The following KANK1 variants were observed in gnomAD, a reference collection of about 807,000 sequenced individuals.
The protein encoded by KANK1 is KN motif and ankyrin repeat domain-containing protein 1.
KANK1 carries 109 observed loss-of-function variants against 106.2 expected under a neutral mutation model. The observed-to-expected ratio is 1.03, with a 90% CI of 0.88 to 1.20. The LOEUF is 1.20. KANK1 is among the 50% of genes most tolerant of loss of function. The pLI is 0.00. For synonymous variants in KANK1, 873 were observed against 652.2 expected, an observed-to-expected ratio of 1.34 and a Z score of -5.16; for missense variants, 2,399 against 1,710.7, an observed-to-expected ratio of 1.40 and a Z score of -7.10.
chr9:648,016 T>TA (rs1329341889), intron 1 of KANK1, among the ~76,000 whole-genome samples: 1 of 146,976 alleles, frequency 6.8e-6, no homozygotes, highest in African/African-American at 2.7e-5. Flanking sequence ...TTTTTTTTTT[T>TA]TTTGATACAG....
Position 629,347 on chromosome 9 carries a change from C to G in KANK1, c.-83-47543C>G, listed in dbSNP as rs570745187. The stretch of plus-strand genomic sequence containing the variant: ...CAGAGTGGGTCACGAGTCACTCTCT[C>G]TCTTCCCCCAGCCACAGTGGCAGCT... On this transcript the variant is annotated intron_variant, in intron 1 of 11. Coordinates refer to ENST00000382297, the MANE Select transcript of KANK1 (RefSeq NM_015158.5). 1.2e-3 allele frequency among the ~76,000 whole-genome samples: 190 copies of G among 152,258 alleles called. 1 individual carries two copies. The highest frequency in any genetic ancestry group is 4.4e-3 in the African/African-American group (183 of 41,538).
chr9:621,950 C>G (rs1833239452), intron 1 of KANK1, among the ~76,000 whole-genome samples: 1 of 152,042 alleles, frequency 6.6e-6, no homozygotes, highest in Non-Finnish European at 1.5e-5. Flanking sequence ...GCCGAAGCCT[C>G]TTGGGAAGGA....
chr9:535,684 G>T (rs979461814), intron 1 of KANK1, among the ~76,000 whole-genome samples: 1 of 152,206 alleles, frequency 6.6e-6, no homozygotes. Context: ...AGCTCCACTT[G>T]CTTGGTGCAC....
rs1170180003 is a variant in KANK1 at position 665,767 on chromosome 9, A to G, written c.-83-11123A>G. Among the ~76,000 whole-genome samples the G allele has an allele frequency of 2.6e-5, 4 of 152,284 alleles. No individual in the cohort carries two copies. The East Asian group carries it at 7.7e-4, about 29-fold the overall frequency. The stretch of plus-strand genomic sequence containing the variant: ...TTTGGGTAGGATTGTCATTTTAACA[A>G]TATTCTTTCAATCCATGAGCATGGA... On this transcript the variant is annotated intron_variant, in intron 1 of 11. Transcript: ENST00000382297.
intron 2 of KANK1, chr9:684,413 C>T: frequency 8.1e-6 from 8 of 985,366 alleles, no homozygotes; most frequent in Non-Finnish European, 9.6e-6. Context: ...AAGAAAAAAA[C>T]ACATACAAAA....
chr9:579,468 C>T (rs191662923), intron 1 of KANK1, among the ~76,000 whole-genome samples: 12 of 152,284 alleles, frequency 7.9e-5, no homozygotes, highest in Admixed American at 6.5e-4. Flanking sequence ...CTCTCAGCTC[C>T]ATCCTCACCT....
intron 1 of KANK1, among the ~76,000 whole-genome samples, chr9:588,555 T>C (rs1313371428): frequency 6.6e-6 from 1 of 152,152 alleles, no homozygotes; most frequent in African/African-American, 2.4e-5. Context: ...AACTTTCAGC[T>C]CTCAGCAACA....
chr9:508,557 C>T (rs572669845), intron 1 of KANK1, among the ~76,000 whole-genome samples: 1 of 146,420 alleles, frequency 6.8e-6, no homozygotes, highest in Admixed American at 6.6e-5. Flanking sequence ...CCCCTATACT[C>T]TTGTCCAATC....
At chr9:514,577 G>C (rs923487504) in intron 1 of KANK1, among the ~76,000 whole-genome samples, 1 of 151,318 alleles carries the variant, frequency 6.6e-6, no homozygotes, top group South Asian at 2.1e-4. Context: ...ACTCTTTCGT[G>C]TCTAGCTTCT....
At position 580,311 on chromosome 9, in the gene KANK1, G is replaced by A. The variant is rs560674758; in HGVS notation, c.-84+75557G>A. ...TGGTGTTACAGCTCATAAAGGCAGCGCGGACCCGAAGAGTGAGCAGCAGCA... is the reference window on the plus strand; with the variant it reads ...TGGTGTTACAGCTCATAAAGGCAGCACGGACCCGAAGAGTGAGCAGCAGCA... On this transcript the variant is annotated intron_variant, in intron 1 of 11. Coordinates refer to ENST00000382297, the MANE Select transcript of KANK1 (RefSeq NM_015158.5). 5.3e-4 allele frequency among the ~76,000 whole-genome samples: 80 copies of A among 152,228 alleles called. 1 individual carries two copies. The highest frequency in any genetic ancestry group is 1.6e-3 in the African/African-American group (67 of 41,494).
rs551177506 is a variant in KANK1, at chr9:540,275, A to G, written c.-84+35521A>G. Among the ~76,000 whole-genome samples the G allele has an allele frequency of 4.0e-4, 61 of 152,354 alleles. 3 individuals carry two copies. The South Asian group carries it at 0.012, about 29-fold the overall frequency. Reference sequence around the variant, plus strand: ...GAATTCTTTCAAATGATTTTTATACATCTATTGAGATGATCCCTTGATTTT... The same window carrying G: ...GAATTCTTTCAAATGATTTTTATACGTCTATTGAGATGATCCCTTGATTTT... On this transcript the variant is annotated intron_variant, in intron 1 of 11. Transcript: ENST00000382297.
chr9:552,313 A>G (rs1563757138), intron 1 of KANK1, among the ~76,000 whole-genome samples: 1 of 152,310 alleles, frequency 6.6e-6, no homozygotes, highest in East Asian at 1.9e-4. Flanking sequence ...AAGACCAATT[A>G]GGAGGTTCCA....
At chr9:727,009 G>T (rs780001717) in intron 3 of KANK1, among the ~76,000 whole-genome samples, 2 of 152,092 alleles carry the variant, frequency 1.3e-5, no homozygotes, top group Non-Finnish European at 2.9e-5. Flanking sequence ...TATTTTCTCC[G>T]TATTATTGTA....
At chr9:694,526 T>G (rs1157719311) in intron 2 of KANK1, among the ~76,000 whole-genome samples, 1 of 152,206 alleles carries the variant, frequency 6.6e-6, no homozygotes, top group Admixed American at 6.5e-5. Context: ...CATGGCATTT[T>G]GGCTGTTTTG....
At chr9:614,903 T>C (rs1444186623) in intron 1 of KANK1, among the ~76,000 whole-genome samples, 1 of 152,186 alleles carries the variant, frequency 6.6e-6, no homozygotes. Flanking sequence ...CTACATACAA[T>C]TCTTAATATA....
intron 2 of KANK1, among the ~76,000 whole-genome samples, chr9:690,787 C>G (rs73372976): frequency 0.01 from 1,527 of 152,252 alleles, 23 homozygotes; most frequent in African/African-American, 0.034. Flanking sequence ...AGGTTGAAGT[C>G]TCAAAGTTCC....
intron 2 of KANK1, among the ~76,000 whole-genome samples, chr9:709,907 T>C (rs577221778): frequency 2.0e-5 from 3 of 152,150 alleles, no homozygotes; most frequent in Non-Finnish European, 4.4e-5. Flanking sequence ...GTGAGCACCG[T>C]GCCCAGCCTT....
At chr9:726,676 A>G (rs1830740257) in intron 3 of KANK1, among the ~76,000 whole-genome samples, 1 of 150,594 alleles carries the variant, frequency 6.6e-6, no homozygotes, top group South Asian at 2.1e-4. Flanking sequence ...AATTAAAAAT[A>G]AGGCCAGGCG....
rs781171916 is a variant in KANK1 at position 711,655 on chromosome 9, G to A, written c.889G>A (p.Glu297Lys). 6.2e-6 allele frequency: 10 copies of A among 1,614,202 alleles called. No individual in the cohort carries two copies. Among genetic ancestry groups the A allele is most frequent in the Admixed American group, 1.7e-5 (1 of 60,020 alleles). Residue 297 changes from glutamate (E) to lysine (K), a missense_variant, in exon 3 of 12, where the codon GAG (glutamate) becomes AAG (lysine). Coordinates refer to ENST00000382297, the MANE Select transcript of KANK1 (RefSeq NM_015158.5). ...GGTAAAGATCTCTGTCTTGCAAGAA[G>A]AGAAAAGGCAGTTGGTCTCACAGCT... ...LQVKISVLQE[E>K]KRQLVSQLKN...
Sources: allele counts gnomAD v4.1 joint callset (sites outside exome capture counted in the v4.1 genomes callset), GRCh38; gene constraint gnomAD v4.1.1; transcripts MANE v1.5; gene names NCBI Gene and HGNC (gene_info 2026-07-23, HGNC 2026-07-21).